Variants in SERPINB5 observed in about 807,000 individuals in gnomAD.
SERPINB5 encodes the protein serpin B5.
A neutral mutation model predicts 32.2 loss-of-function variants in SERPINB5; 27 were observed. That is an observed-to-expected ratio of 0.84 (90% CI 0.62 to 1.16). The LOEUF (loss-of-function observed/expected upper bound fraction) is 1.16. Ranked by LOEUF, SERPINB5 falls within the 50% of genes most tolerant of loss-of-function variation. SERPINB5 has a pLI of 0.00. For synonymous variants in SERPINB5, 154 were observed against 157.4 expected (o/e 0.98, Z 0.16); for missense variants, 388 against 436.3 (o/e 0.89, Z 0.99).
intron 5 of SERPINB5, chr18:63,497,230 G>C: frequency 2.6e-6 from 2 of 769,744 alleles, no homozygotes; most frequent in South Asian, 2.7e-5. Context: ...TGGTGTGGTT[G>C]GTTCAGGGGC....
intron 6 of SERPINB5, among the ~76,000 whole-genome samples, chr18:63,500,456 A>G (rs1909548484): frequency 6.6e-6 from 1 of 152,140 alleles, no homozygotes; most frequent in South Asian, 2.1e-4. Flanking sequence ...AATTATGCAG[A>G]TACTATTTTA....
chr18:63,499,317 G>A, intron 6 of SERPINB5, 30 bp downstream of exon 6: 1 of 1,464,516 alleles, frequency 6.8e-7, no homozygotes, highest in South Asian at 1.5e-5. Context: ...TCTCCACAAA[G>A]GCACCCCCTG....
chr18:63,478,327 G>T (rs1917069714), intron 1 of SERPINB5, among the ~76,000 whole-genome samples: 4 of 152,160 alleles, frequency 2.6e-5, no homozygotes, highest in Admixed American at 2.0e-4. Flanking sequence ...TCAAGATCAG[G>T]CTTCTAAAGA....
At chr18:63,500,350 A>C (rs1227887360) in intron 6 of SERPINB5, among the ~76,000 whole-genome samples, 3 of 151,810 alleles carry the variant, frequency 2.0e-5, no homozygotes, top group African/African-American at 7.3e-5. Flanking sequence ...GGCATGAGCC[A>C]CCACACCTGG....
At chr18:63,492,610 C>G (rs1188900215) in intron 4 of SERPINB5, among the ~76,000 whole-genome samples, 1 of 152,212 alleles carries the variant, frequency 6.6e-6, no homozygotes. Flanking sequence ...GTCTCAGCTT[C>G]CTCATTCATA....
intron 1 of SERPINB5, 35 bp from the exon 2 acceptor site, chr18:63,484,385 CTT>C: frequency 6.4e-7 from 1 of 1,570,410 alleles, no homozygotes. Flanking sequence ...GTTAAAGATG[CTT>C]TAGAAACTAA....
intron 5 of SERPINB5, chr18:63,493,511 C>T (rs960259585): frequency 2.7e-6 from 1 of 376,846 alleles, no homozygotes; most frequent in Non-Finnish European, 4.7e-6. Context: ...ATCTCATTTC[C>T]TTATCGGTTG....
Position 63,492,916 on chromosome 18 carries a change from T to C in SERPINB5, c.425-37T>C, listed in dbSNP as rs780343789. ...GAATTTCAGATGTAGTTTGGAAGAA[T>C]AATTCTGCTACTTGTGTTTTCCTAA... On this transcript the variant is annotated intron_variant, in intron 4 of 6. Coordinates refer to ENST00000382771, the MANE Select transcript of SERPINB5 (RefSeq NM_002639.5). 12 of 1,591,532 alleles carry C rather than the reference T, an allele frequency of 7.5e-6. No individual in the cohort carries two copies. In the East Asian group the frequency reaches 2.2e-4, roughly 30 times the overall value.
At chr18:63,496,502 G>A (rs755130676) in intron 5 of SERPINB5, among the ~76,000 whole-genome samples, 6 of 152,300 alleles carry the variant, frequency 3.9e-5, no homozygotes, top group Non-Finnish European at 8.8e-5. Flanking sequence ...GTTGGGGTGG[G>A]AAGTGGAAAG....
Position 63,497,365 on chromosome 18 carries a change from T to C in SERPINB5, c.568-1755T>C, listed in dbSNP as rs1291407230. On this transcript the variant is annotated intron_variant, in intron 5 of 6. Transcript: ENST00000382771. ...GTCTGAGGCCATGGGGCTCTTCTGT[T>C]TGATGGTCGCCTTCCTTATCCTCTT... 8.1e-5 allele frequency: 106 copies of C among 1,302,732 alleles called. 1 individual carries two copies. The East Asian group carries it at 2.5e-3, about 31-fold the overall frequency. The allele number at this position is 1,302,732 out of a possible 1,614,324, so 80.7% of individuals were successfully genotyped here.
rs754285339 is a variant in SERPINB5, at chr18:63,503,453, T to C, written c.859T>C (p.Cys287Arg). Reference protein sequence around the residue: ...KVEKMIDPKACLENLGLKHIF... With the variant: ...KVEKMIDPKARLENLGLKHIF... ...GGAAAAGATGATTGATCCCAAGGCT[T>C]GTCTGGAAAATCTAGGGCTGAAACA... The change falls in exon 7 of 7, where the codon TGT (cysteine) becomes CGT (arginine). Residue 287 changes from cysteine (C) to arginine (R), a missense_variant. Physicochemically the swap from Cys to Arg is radical, Grantham distance 180. Transcript: ENST00000382771. 6 of 1,614,096 alleles carry C rather than the reference T, an allele frequency of 3.7e-6. No homozygotes were observed. The Admixed American group carries it at 1.0e-4, about 27-fold the overall frequency.
chr18:63,493,049 A>C lies in SERPINB5; in HGVS notation c.521A>C (p.Lys174Thr). The stretch of plus-strand genomic sequence containing the variant: ...TACTTTGTTGGCAAGTGGATGAAGA[A>C]ATTTTCTGAATCAGAAACAAAAGAA... ...AAYFVGKWMK[K>T]FSESETKECP... is the part of the protein sequence containing the mutation. Residue 174 changes from lysine (K) to threonine (T), a missense_variant, in exon 5 of 7, where the codon AAA becomes ACA. Lys to Thr is a moderately conservative substitution (Grantham distance 78, BLOSUM62 -1). Transcript: ENST00000382771. The C allele has an allele frequency of 6.2e-7, 1 of 1,614,234 alleles. No homozygotes were observed. The highest frequency in any genetic ancestry group is 8.5e-7 in the Non-Finnish European group (1 of 1,180,052).
In SERPINB5 at chr18:63,487,005, T is replaced by C; in HGVS notation, c.228T>C (p.Asp76=). The C allele has an allele frequency of 6.2e-7, 1 of 1,614,176 alleles. No individual in the cohort carries two copies. The highest frequency in any genetic ancestry group is 1.3e-5 in the African/African-American group (1 of 75,070). Residue 76 remains aspartate (D), a synonymous_variant, in exon 3 of 7, where the codon GAT becomes GAC. Coordinates refer to ENST00000382771, the MANE Select transcript of SERPINB5 (RefSeq NM_002639.5). ...TTGGATTTCAAACAGTAACATCGGA[T>C]GTAAACAAACTTAGTTCCTTTTACT... The part of the protein sequence containing the change: ...VPFGFQTVTS[D]VNKLSSFYSL...
chr18:63,478,755 G>C (rs532677128), intron 1 of SERPINB5, among the ~76,000 whole-genome samples: 287 of 120,276 alleles, frequency 2.4e-3, no homozygotes, highest in African/African-American at 9.6e-3. Context: ...CAGTAAAAAC[G>C]TAGTTTTTTT....
At chr18:63,497,661 A>G (rs762374479) in intron 5 of SERPINB5, among the ~76,000 whole-genome samples, 3 of 152,216 alleles carry the variant, frequency 2.0e-5, no homozygotes, top group Non-Finnish European at 4.4e-5. Context: ...ACGAACACCC[A>G]TATACCGATC....
intron 1 of SERPINB5, among the ~76,000 whole-genome samples, chr18:63,480,220 C>T (rs899505292): frequency 6.6e-5 from 10 of 152,228 alleles, no homozygotes; most frequent in Non-Finnish European, 1.2e-4. Context: ...ATTGCGAAAG[C>T]AAGGTACTTG....
chr18:63,497,488 A>T, intron 5 of SERPINB5: 1 of 405,740 alleles, frequency 2.5e-6, no homozygotes. Context: ...ACCATTGAAC[A>T]CAACGTTTCT....
At chr18:63,490,279 C>T (rs1181064608) in intron 4 of SERPINB5, among the ~76,000 whole-genome samples, 2 of 152,082 alleles carry the variant, frequency 1.3e-5, no homozygotes, top group African/African-American at 4.8e-5. Flanking sequence ...CTCTGATAGC[C>T]CCGGGGTCCA....
At chr18:63,484,741 C>CT (rs869236018) in intron 2 of SERPINB5, 145 bp downstream of exon 2, 1,321 of 108,016 alleles carry the variant, frequency 0.012, 38 homozygotes, top group South Asian at 0.043. Flanking sequence ...CTCTCTTAAT[C>CT]TTTTTTTTTT....
Sources: allele counts gnomAD v4.1 joint callset (sites outside exome capture counted in the v4.1 genomes callset), GRCh38; gene constraint gnomAD v4.1.1; transcripts MANE v1.5; gene names NCBI Gene and HGNC (gene_info 2026-07-23, HGNC 2026-07-21).